Variants in ADAM10 observed in about 807,000 individuals in gnomAD.
ADAM10 encodes the protein ADAM metallopeptidase domain 10, also known as disintegrin and metalloproteinase domain-containing protein 10.
A neutral mutation model predicts 90.1 loss-of-function variants in ADAM10; 17 were observed. That is an observed-to-expected ratio of 0.19 (90% CI 0.13 to 0.28). The LOEUF (loss-of-function observed/expected upper bound fraction) is 0.28. ADAM10 is among the 10% of genes least tolerant of loss of function. ADAM10 has a pLI of 1.00. For synonymous variants in ADAM10, 310 were observed against 298.6 expected (o/e 1.04, Z -0.40); for missense variants, 610 against 914.3 (o/e 0.67, Z 4.29).
At chr15:58,647,627 C>T (rs530213858) in intron 5 of ADAM10, among the ~76,000 whole-genome samples, 1 of 152,260 alleles carries the variant, frequency 6.6e-6, no homozygotes, top group South Asian at 2.1e-4. Context: ...CAGCTCAATG[C>T]AGCCTTAAAC....
At chr15:58,645,015 C>T (rs1896512078) in intron 6 of ADAM10, among the ~76,000 whole-genome samples, 1 of 152,222 alleles carries the variant, frequency 6.6e-6, no homozygotes, top group African/African-American at 2.4e-5. Context: ...CTGTAAACAA[C>T]CTTCCCAACT....
intron 2 of ADAM10, among the ~76,000 whole-genome samples, chr15:58,706,174 A>G (rs1258168551): frequency 6.6e-6 from 1 of 152,250 alleles, no homozygotes; most frequent in Non-Finnish European, 1.5e-5. Context: ...AACTGAAGTC[A>G]TAATGGGACA....
At chr15:58,730,150 C>A (rs1370826339) in intron 1 of ADAM10, among the ~76,000 whole-genome samples, 2 of 152,146 alleles carry the variant, frequency 1.3e-5, no homozygotes, top group Non-Finnish European at 2.9e-5. Context: ...CCTGTATATC[C>A]TTATTTCTAC....
At chr15:58,634,882 T>C (rs1896207572) in intron 8 of ADAM10, among the ~76,000 whole-genome samples, 1 of 152,290 alleles carries the variant, frequency 6.6e-6, no homozygotes, top group African/African-American at 2.4e-5. Flanking sequence ...ACAAGTCTAG[T>C]ATTTAGAATC....
At chr15:58,718,069 G>A (rs569430345) in intron 1 of ADAM10, among the ~76,000 whole-genome samples, 2 of 152,178 alleles carry the variant, frequency 1.3e-5, no homozygotes, top group East Asian at 3.9e-4. Flanking sequence ...GGCTGAGATG[G>A]AAGGACTGCT....
Position 58,681,609 on chromosome 15 carries a change from A to G in ADAM10, c.325+587T>C, listed in dbSNP as rs112286129. ...TTTTCATTTTTTAAGCTTTTTTATG[A>G]CTTCTATAGTTGTTCTGTTCTTTCA... On this transcript the variant is annotated intron_variant, in intron 3 of 15. Transcript: ENST00000260408. Among the ~76,000 whole-genome samples, 529 of 152,232 alleles carry G rather than the reference A, an allele frequency of 3.5e-3. 5 individuals are homozygous for G. Among genetic ancestry groups the G allele is most frequent in the African/African-American group, 0.012 (508 of 41,546 alleles).
At chr15:58,664,318 AT>A (rs1897031045) in intron 5 of ADAM10, among the ~76,000 whole-genome samples, 1 of 152,120 alleles carries the variant, frequency 6.6e-6, no homozygotes, top group Admixed American at 6.6e-5. Context: ...CCTTTTGAGA[AT>A]AGCCTTCATC....
At chr15:58,722,108 G>C (rs982793475) in intron 1 of ADAM10, among the ~76,000 whole-genome samples, 7 of 151,980 alleles carry the variant, frequency 4.6e-5, no homozygotes, top group Non-Finnish European at 1.0e-4. Flanking sequence ...GGAAGGCCGA[G>C]GCGAGTGGAT....
chr15:58,646,701 G>GT (rs1445882766), intron 5 of ADAM10, among the ~76,000 whole-genome samples: 2 of 152,154 alleles, frequency 1.3e-5, no homozygotes, highest in African/African-American at 4.8e-5. Flanking sequence ...ATATTGCAAT[G>GT]TTTTCAAAAC....
Position 58,682,460 on chromosome 15 carries a change from G to C in ADAM10, c.207-146C>G, listed in dbSNP as rs56234226. ...AAATACGCTGACCAAGATTTTTAAA[G>C]ACATATTCTGCTCTAAAAGTCAACT... On this transcript the variant is annotated intron_variant, in intron 2 of 15. Transcript: ENST00000260408. 934 of 1,329,864 alleles carry C rather than the reference G, an allele frequency of 7.0e-4. 3 individuals carry two copies. In the East Asian group the frequency reaches 0.017, roughly 24 times the overall value. 82.4% of individuals were successfully genotyped at this position (1,329,864 alleles called of 1,614,324 possible). A position where few individuals can be genotyped will look rare whatever the true frequency, so the allele number is the denominator to read the frequency against.
intron 15 of ADAM10, among the ~76,000 whole-genome samples, chr15:58,598,952 T>A (rs1895033552): frequency 6.6e-6 from 1 of 152,182 alleles, no homozygotes; most frequent in Non-Finnish European, 1.5e-5. Context: ...CAGACTGGGA[T>A]CTGTATGTCC....
intron 15 of ADAM10, among the ~76,000 whole-genome samples, chr15:58,598,449 A>T (rs1895016919): frequency 6.6e-6 from 1 of 152,242 alleles, no homozygotes; most frequent in Non-Finnish European, 1.5e-5. Context: ...TCTCACTAAG[A>T]TACTGTCCTA....
In ADAM10 at chr15:58,643,871, A is replaced by ATT; in HGVS notation, c.828+13_828+14dup. The ATT allele has an allele frequency of 1.9e-6, 3 of 1,585,016 alleles. No individual in the cohort carries two copies. The highest frequency in any genetic ancestry group is 2.6e-6 in the Non-Finnish European group (3 of 1,153,562). ...TTTCACTTTTTAAGTGTTTTTAACT[A>ATT]TTTAAGTTCCTTACTCTTATGCGTT... On this transcript the variant is annotated intron_variant, in intron 7 of 15. Coordinates refer to ENST00000260408, the MANE Select transcript of ADAM10 (RefSeq NM_001110.4).
At chr15:58,690,897 C>G (rs1374896871) in intron 2 of ADAM10, among the ~76,000 whole-genome samples, 6 of 152,156 alleles carry the variant, frequency 3.9e-5, no homozygotes, top group African/African-American at 1.2e-4. Flanking sequence ...AAGGGAGAAG[C>G]CAGAAGAGAG....
At chr15:58,717,528 G>A (rs763693813) in intron 2 of ADAM10, 49 bp downstream of exon 2, 2 of 1,606,654 alleles carry the variant, frequency 1.2e-6, no homozygotes, top group Non-Finnish European at 1.7e-6. Context: ...CTTTAACTTA[G>A]ATTGAATATA....
intron 1 of ADAM10, among the ~76,000 whole-genome samples, chr15:58,734,654 C>T (rs1318229100): frequency 6.6e-6 from 1 of 150,740 alleles, no homozygotes; most frequent in East Asian, 1.9e-4. Flanking sequence ...GAGCCAAGAT[C>T]GTGCCACTGC....
chr15:58,736,259 G>A (rs1899426653), intron 1 of ADAM10, among the ~76,000 whole-genome samples: 1 of 152,160 alleles, frequency 6.6e-6, no homozygotes, highest in South Asian at 2.1e-4. Context: ...CAAAGTCAAC[G>A]TCTTCTCCTT....
chr15:58,624,934 A>G (rs889223193), intron 10 of ADAM10, among the ~76,000 whole-genome samples: 1 of 152,218 alleles, frequency 6.6e-6, no homozygotes, highest in Non-Finnish European at 1.5e-5. Context: ...CAATATGTAC[A>G]TTTTTAAAAG....
intron 14 of ADAM10, among the ~76,000 whole-genome samples, chr15:58,607,881 A>C (rs1895321765): frequency 6.6e-6 from 1 of 152,180 alleles, no homozygotes; most frequent in Admixed American, 6.5e-5. Flanking sequence ...CAACTATAGA[A>C]GAAACTGGAA....
Sources: gnomAD v4.1 joint callset for allele counts (sites outside exome capture counted in the v4.1 genomes callset) on GRCh38, gnomAD v4.1.1 for gene constraint, MANE v1.5 for transcripts, NCBI Gene and HGNC (gene_info 2026-07-23, HGNC 2026-07-21) for gene names.